The following SLC39A11 variants were observed in gnomAD, a reference collection of about 807,000 sequenced individuals.
SLC39A11 encodes zinc transporter ZIP11.
A neutral mutation model predicts 36.1 loss-of-function variants in SLC39A11; 33 were observed. The ratio of observed to expected loss-of-function variants is 0.91; its 90% CI spans 0.69 to 1.22. The LOEUF (loss-of-function observed/expected upper bound fraction) is 1.22. SLC39A11 is among the 50% of genes most tolerant of loss of function. The probability of loss-of-function intolerance (pLI) is 0.00; values close to 1 mark genes in which losing one functional copy is unlikely to be tolerated. For missense variants in SLC39A11, 432 were observed against 430.3 expected (o/e 1.00, Z -0.03); for synonymous variants, 166 against 170.3 (o/e 0.97, Z 0.20).
chr17:73,080,953 A>AT (rs570714508), intron 3 of SLC39A11, among the ~76,000 whole-genome samples: 1,835 of 119,354 alleles, frequency 0.015, 13 homozygotes, highest in South Asian at 0.036. Context: ...TCAAAAAACA[A>AT]TAAAATAAAT....
At chr17:72,979,989 T>C (rs1259628916) in intron 4 of SLC39A11, among the ~76,000 whole-genome samples, 1 of 152,120 alleles carries the variant, frequency 6.6e-6, no homozygotes, top group Non-Finnish European at 1.5e-5. Flanking sequence ...CACTGATTCC[T>C]ACACCAGCTC....
At chr17:72,851,254 T>C (rs17780652) in intron 5 of SLC39A11, among the ~76,000 whole-genome samples, 79,389 of 151,990 alleles carry the variant, frequency 0.52, 21,223 homozygotes, top group Middle Eastern at 0.58. Flanking sequence ...AGAACCTTAT[T>C]CTAAATATCC....
At chr17:72,717,456 G>A (rs2073456910) in intron 7 of SLC39A11, among the ~76,000 whole-genome samples, 1 of 152,128 alleles carries the variant, frequency 6.6e-6, no homozygotes, top group African/African-American at 2.4e-5. Flanking sequence ...GGCTCTTCCA[G>A]CTTCTGGTGG....
intron 5 of SLC39A11, among the ~76,000 whole-genome samples, chr17:72,893,848 T>C (rs2081889117): frequency 6.6e-6 from 1 of 152,182 alleles, no homozygotes; most frequent in Non-Finnish European, 1.5e-5. Flanking sequence ...TGAGTTCTCC[T>C]AGGTGACTAA....
chr17:72,957,324 G>T (rs1407330895), intron 4 of SLC39A11, among the ~76,000 whole-genome samples: 1 of 152,178 alleles, frequency 6.6e-6, no homozygotes, highest in African/African-American at 2.4e-5. Context: ...GCCATTTATT[G>T]CAGTACATAT....
At chr17:73,056,958 T>C (rs942125580) in intron 3 of SLC39A11, among the ~76,000 whole-genome samples, 1 of 152,110 alleles carries the variant, frequency 6.6e-6, no homozygotes. Context: ...AACAATGGGA[T>C]GCATTTTTTT....
chr17:73,024,191 C>A (rs1348448212), intron 4 of SLC39A11, among the ~76,000 whole-genome samples: 1 of 152,250 alleles, frequency 6.6e-6, no homozygotes, highest in Non-Finnish European at 1.5e-5. Context: ...GATGGCACAA[C>A]TGTGTCCCCA....
intron 4 of SLC39A11, among the ~76,000 whole-genome samples, chr17:73,013,769 T>C (rs1487343840): frequency 1.3e-5 from 2 of 152,102 alleles, no homozygotes; most frequent in African/African-American, 4.8e-5. Context: ...AGCCAAAAGA[T>C]TGGACACACT....
intron 5 of SLC39A11, among the ~76,000 whole-genome samples, chr17:72,937,387 G>A (rs910114937): frequency 3.9e-5 from 6 of 152,258 alleles, no homozygotes; most frequent in African/African-American, 9.6e-5. Context: ...CCTGGGAGGC[G>A]GAGGTTGCAG....
At chr17:72,683,387 G>A (rs2071594521) in intron 7 of SLC39A11, among the ~76,000 whole-genome samples, 1 of 147,924 alleles carries the variant, frequency 6.8e-6, no homozygotes, top group South Asian at 2.1e-4. Context: ...ATAGGCTAGA[G>A]TGCAGTGGCA....
chr17:72,740,329 T>A (rs2074634203), intron 6 of SLC39A11, among the ~76,000 whole-genome samples: 1 of 152,110 alleles, frequency 6.6e-6, no homozygotes, highest in South Asian at 2.1e-4. Flanking sequence ...CCTCCCAAAG[T>A]GCTGGGATTA....
intron 6 of SLC39A11, among the ~76,000 whole-genome samples, chr17:72,846,720 C>G (rs1340107506): frequency 6.6e-6 from 1 of 152,148 alleles, no homozygotes; most frequent in Non-Finnish European, 1.5e-5. Context: ...GACCTTAGAC[C>G]ACATTTTTGT....
intron 6 of SLC39A11, among the ~76,000 whole-genome samples, chr17:72,737,595 T>C (rs941230340): frequency 3.3e-5 from 5 of 152,210 alleles, no homozygotes; most frequent in Non-Finnish European, 7.3e-5. Context: ...CATTTTTTTT[T>C]CCTTCATTCT....
chr17:72,974,939 A>G (rs995781967), intron 4 of SLC39A11, among the ~76,000 whole-genome samples: 54 of 152,374 alleles, frequency 3.5e-4, no homozygotes, highest in Admixed American at 3.3e-3. Flanking sequence ...GTAACATACT[A>G]TACAGGTTTG....
At chr17:72,931,043 T>C (rs528818162) in intron 5 of SLC39A11, among the ~76,000 whole-genome samples, 2 of 152,232 alleles carry the variant, frequency 1.3e-5, no homozygotes, top group African/African-American at 4.8e-5. Context: ...CCTGAGAGAA[T>C]TCTTCAAGGA....
chr17:73,008,423 C>T (rs116540258), intron 4 of SLC39A11, among the ~76,000 whole-genome samples: 1 of 152,218 alleles, frequency 6.6e-6, no homozygotes, highest in African/African-American at 2.4e-5. Flanking sequence ...AGGCCGCTCC[C>T]TCTGCCCGTG....
At chr17:72,651,335 C>T (rs888718388) in intron 7 of SLC39A11, among the ~76,000 whole-genome samples, 4 of 151,798 alleles carry the variant, frequency 2.6e-5, no homozygotes, top group African/African-American at 9.7e-5. Flanking sequence ...CACCCCCCTC[C>T]CAGGAGCCCC....
intron 7 of SLC39A11, among the ~76,000 whole-genome samples, chr17:72,653,612 G>A (rs1242717214): frequency 2.6e-5 from 4 of 151,936 alleles, no homozygotes; most frequent in African/African-American, 9.7e-5. Flanking sequence ...GCTAATTTTT[G>A]TATTTTTAGT....
chr17:72,875,161 G>A (rs564286200), intron 5 of SLC39A11, among the ~76,000 whole-genome samples: 7 of 152,160 alleles, frequency 4.6e-5, no homozygotes, highest in African/African-American at 1.7e-4. Flanking sequence ...TCAAAGGGGA[G>A]GAAGTCACAA....
Sources: allele counts gnomAD v4.1 joint callset (sites outside exome capture counted in the v4.1 genomes callset), GRCh38; gene constraint gnomAD v4.1.1; transcripts MANE v1.5; gene names NCBI Gene and HGNC (gene_info 2026-07-23, HGNC 2026-07-21).